VAT1L: variants seen among roughly 807,000 people sequenced by gnomAD.
The protein encoded by VAT1L is vesicle amine transport 1 like, also known as putative NADPH-dependent quinone oxidoreductase VAT1L.
Under a neutral mutation model 44.1 loss-of-function variants are expected in VAT1L, and 34 were observed. That is an observed-to-expected ratio of 0.77 (90% CI 0.59 to 1.03). The LOEUF is 1.03. Among genes scored for constraint, VAT1L ranks in the 50% least tolerant of loss-of-function variants. The pLI is 0.00. For missense variants in VAT1L, 615 were observed against 538.8 expected (o/e 1.14, Z -1.40); for synonymous variants, 253 against 202.2 (o/e 1.25, Z -2.13).
intron 7 of VAT1L, among the ~76,000 whole-genome samples, chr16:77,905,244 G>A (rs2017426129): frequency 6.6e-6 from 1 of 152,136 alleles, no homozygotes. Context: ...AAAGAAAAAT[G>A]AAAACATTAC....
intron 7 of VAT1L, among the ~76,000 whole-genome samples, chr16:77,956,479 A>G (rs2018104719): frequency 6.6e-6 from 1 of 152,198 alleles, no homozygotes; most frequent in East Asian, 1.9e-4. Flanking sequence ...CACTTGTCAT[A>G]TGTCAGCTGC....
At chr16:77,890,277 G>A (rs144192509) in intron 7 of VAT1L, among the ~76,000 whole-genome samples, 1 of 152,086 alleles carries the variant, frequency 6.6e-6, no homozygotes, top group Non-Finnish European at 1.5e-5. Flanking sequence ...GTGGGGTAGA[G>A]AGAAAAGTCT....
At chr16:77,908,644 G>A (rs9989381) in intron 7 of VAT1L, among the ~76,000 whole-genome samples, 14,165 of 152,012 alleles carry the variant, frequency 0.093, 835 homozygotes, top group Non-Finnish European at 0.14. Flanking sequence ...GGCCGGGCGC[G>A]GTGACTCACG....
At chr16:77,864,078 C>G (rs938673221) in intron 4 of VAT1L, among the ~76,000 whole-genome samples, 1 of 152,122 alleles carries the variant, frequency 6.6e-6, no homozygotes, top group East Asian at 1.9e-4. Context: ...TTTGTCAGCA[C>G]AGGGAAGCAG....
intron 7 of VAT1L, among the ~76,000 whole-genome samples, chr16:77,888,013 C>A (rs1224674723): frequency 2.6e-5 from 4 of 152,172 alleles, no homozygotes; most frequent in Non-Finnish European, 4.4e-5. Context: ...CCCACCCAGG[C>A]CTTCCCTGTC....
At chr16:77,897,210 A>G (rs967761526) in intron 7 of VAT1L, among the ~76,000 whole-genome samples, 1 of 152,312 alleles carries the variant, frequency 6.6e-6, no homozygotes, top group Admixed American at 6.5e-5. Context: ...TGGCAGATAA[A>G]CATGCTGTGG....
At position 77,962,416 on chromosome 16, in the gene VAT1L, A is replaced by T. The variant is rs2018170273; in HGVS notation, c.1078-9434A>T. On this transcript the variant is annotated intron_variant, in intron 7 of 8. Coordinates refer to ENST00000302536, the MANE Select transcript of VAT1L (RefSeq NM_020927.3). ...GGGAGCCATAGGTAGGGGTGCTGAC[A>T]TAGGTAGGGATGCAAGCAGAGGAAG... is the stretch of plus-strand genomic sequence containing the variant. Among the ~76,000 whole-genome samples, 2 of 152,142 alleles carry T rather than the reference A, an allele frequency of 1.3e-5. 1 individual carries two copies. The highest frequency in any genetic ancestry group is 3.9e-4 in the East Asian group (2 of 5,152).
At chr16:77,825,136 G>A (rs908556155) in intron 2 of VAT1L, 110 bp from the exon 3 acceptor site, 1 of 1,175,562 alleles carries the variant, frequency 8.5e-7, no homozygotes, top group African/African-American at 1.5e-5. Context: ...CAAAGTGCTG[G>A]GATTATACGC....
At chr16:77,808,515 G>T (rs1455400650) in intron 1 of VAT1L, among the ~76,000 whole-genome samples, 1 of 152,072 alleles carries the variant, frequency 6.6e-6, no homozygotes, top group Non-Finnish European at 1.5e-5. Flanking sequence ...CATTAAACTG[G>T]TCCCTGGTGC....
At chr16:77,849,832 CA>C (rs2142432444) in intron 3 of VAT1L, among the ~76,000 whole-genome samples, 1 of 152,322 alleles carries the variant, frequency 6.6e-6, no homozygotes, top group East Asian at 1.9e-4. Context: ...CCGCCCAGAA[CA>C]GAACCTCAGC....
chr16:77,954,454 G>A (rs541752882), intron 7 of VAT1L, among the ~76,000 whole-genome samples: 16 of 152,196 alleles, frequency 1.1e-4, no homozygotes, highest in African/African-American at 3.6e-4. Flanking sequence ...GTGAAACCCG[G>A]TCTCTACTAA....
chr16:77,937,456 G>C (rs141150628), intron 7 of VAT1L, among the ~76,000 whole-genome samples: 118 of 152,166 alleles, frequency 7.8e-4, no homozygotes, highest in Middle Eastern at 3.4e-3. Flanking sequence ...GAAACACGAA[G>C]GGTGGCTTGA....
chr16:77,837,592 G>A (rs2016653378), intron 3 of VAT1L, among the ~76,000 whole-genome samples: 1 of 152,146 alleles, frequency 6.6e-6, no homozygotes. Flanking sequence ...AGGGAAAGAA[G>A]ACAGAAAAGG....
chr16:77,895,230 G>C (rs1409234365), intron 7 of VAT1L, among the ~76,000 whole-genome samples: 2 of 152,088 alleles, frequency 1.3e-5, no homozygotes, highest in African/African-American at 2.4e-5. Context: ...CTTGCACCCA[G>C]CTCTGCTCTG....
intron 7 of VAT1L, among the ~76,000 whole-genome samples, chr16:77,923,790 GAAAAC>G (rs776102016): frequency 6.6e-6 from 1 of 152,042 alleles, no homozygotes; most frequent in Non-Finnish European, 1.5e-5. Context: ...GGGGAGAGAG[GAAAAC>G]AAAACAAAAC....
intron 3 of VAT1L, among the ~76,000 whole-genome samples, chr16:77,838,445 T>C (rs533805680): frequency 3.3e-5 from 5 of 152,310 alleles, no homozygotes; most frequent in African/African-American, 9.6e-5. Context: ...TCACTCTGAT[T>C]GTGTTCATTT....
intron 7 of VAT1L, among the ~76,000 whole-genome samples, chr16:77,914,755 A>G (rs2017534976): frequency 6.6e-6 from 1 of 152,202 alleles, no homozygotes; most frequent in Non-Finnish European, 1.5e-5. Context: ...TGAAATTTGT[A>G]TGATGGTAAG....
At chr16:77,962,011 GGT>G (rs1426418567) in intron 7 of VAT1L, among the ~76,000 whole-genome samples, 1 of 152,052 alleles carries the variant, frequency 6.6e-6, no homozygotes, top group Non-Finnish European at 1.5e-5. Context: ...TAGTCCTCCT[GGT>G]CAGCTGTGAG....
At chr16:77,877,512 CAAAAAAAA>C (rs55704400) in intron 5 of VAT1L, among the ~76,000 whole-genome samples, 6 of 86,820 alleles carry the variant, frequency 6.9e-5, no homozygotes, top group Non-Finnish European at 2.5e-5. Context: ...GACTCTGTCT[CAAAAAAAA>C]AAAAAAAAAA....
Sources: gnomAD v4.1 joint callset for allele counts (sites outside exome capture counted in the v4.1 genomes callset) on GRCh38, gnomAD v4.1.1 for gene constraint, MANE v1.5 for transcripts, NCBI Gene and HGNC (gene_info 2026-07-23, HGNC 2026-07-21) for gene names.